Variants in METTL15 observed in about 807,000 individuals in gnomAD.
METTL15 encodes the protein methyltransferase 15, mitochondrial 12S rRNA N4-cytidine.
In METTL15, 34 loss-of-function variants were observed where a neutral mutation model predicts 38.3. The ratio of observed to expected loss-of-function variants is 0.89; its 90% CI spans 0.68 to 1.18. METTL15 has a LOEUF of 1.18. Ranked by LOEUF, METTL15 falls within the 50% of genes most tolerant of loss-of-function variation. The pLI is 0.00. For synonymous variants in METTL15, 162 were observed against 170.9 expected (o/e 0.95, Z 0.41); for missense variants, 438 against 498.4 (o/e 0.88, Z 1.15).
chr11:28,521,106 A>G (rs1851761470), intron 6 of METTL15, among the ~76,000 whole-genome samples: 3 of 152,154 alleles, frequency 2.0e-5, no homozygotes, highest in Non-Finnish European at 4.4e-5. Context: ...TAAAAAATCC[A>G]TAATTGTATT....
intron 3 of METTL15, among the ~76,000 whole-genome samples, chr11:28,184,576 G>C (rs1590123451): frequency 6.6e-6 from 1 of 151,764 alleles, no homozygotes; most frequent in Non-Finnish European, 1.5e-5. Context: ...AGTTTTGAGT[G>C]AGTTTCTTAT....
chr11:28,350,308 G>A (rs1007939162), intron 3 of METTL15, among the ~76,000 whole-genome samples: 1 of 152,110 alleles, frequency 6.6e-6, no homozygotes, highest in African/African-American at 2.4e-5. Context: ...AATTTTAGAT[G>A]TATTTGAAGG....
At chr11:28,413,856 C>T (rs1404187026) in intron 5 of METTL15, among the ~76,000 whole-genome samples, 1 of 152,102 alleles carries the variant, frequency 6.6e-6, no homozygotes, top group Non-Finnish European at 1.5e-5. Context: ...TATTCTTTTC[C>T]GTGGTCCCTC....
chr11:28,253,067 C>T (rs1854813749), intron 4 of METTL15, among the ~76,000 whole-genome samples: 1 of 152,098 alleles, frequency 6.6e-6, no homozygotes, highest in Non-Finnish European at 1.5e-5. Context: ...TACACTTTTG[C>T]AAAATATGAT....
chr11:28,430,226 G>C (rs1215197227), intron 6 of METTL15, among the ~76,000 whole-genome samples: 1 of 143,522 alleles, frequency 7.0e-6, no homozygotes. Flanking sequence ...GGAGGGAGGT[G>C]GGGGGGGTCA....
Position 28,439,600 on chromosome 11 carries a change from A to G in METTL15, c.*424+15236A>G, listed in dbSNP as rs1447961979. Among the ~76,000 whole-genome samples the G allele has an allele frequency of 2.6e-5, 4 of 152,176 alleles. No individual in the cohort carries two copies. In the East Asian group the frequency reaches 5.8e-4, roughly 22 times the overall value. On this transcript the variant is annotated intron_variant and NMD_transcript_variant, in intron 6 of 7. Coordinates refer to the METTL15 transcript ENST00000532947. ...CTCATTATCCCTGTGGGTGGGCCCA[A>G]TGCGGGGTGGAGGAGAAAAGGTACT...
At chr11:28,257,497 A>G (rs564965586) in intron 4 of METTL15, among the ~76,000 whole-genome samples, 12 of 152,308 alleles carry the variant, frequency 7.9e-5, no homozygotes, top group Non-Finnish European at 1.3e-4. Context: ...CTGTCTCTCT[A>G]GACCTTCTCT....
At chr11:28,154,745 C>G (rs549804680) in intron 3 of METTL15, among the ~76,000 whole-genome samples, 3 of 152,130 alleles carry the variant, frequency 2.0e-5, no homozygotes, top group African/African-American at 7.2e-5. Context: ...TGCAAAATGT[C>G]AATTATAATG....
intron 6 of METTL15, chr11:28,477,557 ACT>A (rs1385102513): frequency 6.6e-6 from 1 of 151,970 alleles, no homozygotes; most frequent in Non-Finnish European, 1.5e-5. Context: ...CCTGAATGGA[ACT>A]CTGTCTCACA....
intron 5 of METTL15, among the ~76,000 whole-genome samples, chr11:28,395,742 T>A (rs1850561045): frequency 6.6e-6 from 1 of 152,102 alleles, no homozygotes; most frequent in Non-Finnish European, 1.5e-5. Flanking sequence ...CGTAACTCAT[T>A]TTATGAGGCC....
Position 28,123,500 on chromosome 11 carries a change from A to G in METTL15, c.270+9896A>G, listed in dbSNP as rs1353669114. Among the ~76,000 whole-genome samples, 13 of 152,222 alleles carry G rather than the reference A, an allele frequency of 8.5e-5. 1 individual carries two copies. The South Asian group carries it at 2.5e-3, about 29-fold the overall frequency. ...AGGCCTTATGGTGACTCATCTTATA[A>G]TGTTCTGTAAACTCTCTTTTTTCCT... On this transcript the variant is annotated intron_variant, in intron 3 of 6. Coordinates refer to ENST00000407364, the MANE Select transcript of METTL15 (RefSeq NM_001113528.2).
chr11:28,182,791 A>G (rs1851341673), intron 3 of METTL15, among the ~76,000 whole-genome samples: 1 of 152,114 alleles, frequency 6.6e-6, no homozygotes, highest in Non-Finnish European at 1.5e-5. Flanking sequence ...AATTCCGTGA[A>G]GAAAGTCAGT....
rs575257085 is a variant in METTL15 at position 28,398,157 on chromosome 11, C to T, written c.*359-26142C>T. Among the ~76,000 whole-genome samples the T allele has an allele frequency of 6.6e-5, 10 of 151,992 alleles. No individual in the cohort carries two copies. The South Asian group carries it at 2.1e-3, about 32-fold the overall frequency. ...AATTGTGCATCACACCAACATGGCACATGTGTACATATGTAACAAACCTGC... is the reference window on the plus strand; with the variant it reads ...AATTGTGCATCACACCAACATGGCATATGTGTACATATGTAACAAACCTGC... On this transcript the variant is annotated intron_variant and NMD_transcript_variant, in intron 5 of 7. Coordinates refer to the METTL15 transcript ENST00000532947.
intron 6 of METTL15, among the ~76,000 whole-genome samples, chr11:28,314,546 C>A (rs1039951575): frequency 5.3e-5 from 8 of 152,292 alleles, no homozygotes; most frequent in African/African-American, 1.9e-4. Context: ...GCTTAGACTT[C>A]TGTATGTGGC....
intron 4 of METTL15, among the ~76,000 whole-genome samples, chr11:28,255,695 T>G (rs900019059): frequency 1.3e-4 from 20 of 152,194 alleles, no homozygotes; most frequent in African/African-American, 4.3e-4. Context: ...TCAGCATCGA[T>G]TGAAATCATC....
intron 3 of METTL15, among the ~76,000 whole-genome samples, chr11:28,158,966 C>G (rs543667411): frequency 1.3e-5 from 2 of 152,042 alleles, no homozygotes; most frequent in African/African-American, 4.8e-5. Context: ...CCGGGATTCA[C>G]GGGTCCAGGA....
intron 4 of METTL15, among the ~76,000 whole-genome samples, chr11:28,286,860 A>G (rs1217254766): frequency 6.6e-6 from 1 of 151,884 alleles, no homozygotes; most frequent in Non-Finnish European, 1.5e-5. Context: ...CCAGAGAAAC[A>G]GAACCAGTAG....
chr11:28,165,143 A>G (rs773436010), intron 3 of METTL15, among the ~76,000 whole-genome samples: 19 of 152,266 alleles, frequency 1.2e-4, no homozygotes, highest in South Asian at 2.1e-4. Context: ...TAAAGCTGCA[A>G]TGAACATGGG....
At chr11:28,370,658 T>TG (rs1850234208) in intron 5 of METTL15, among the ~76,000 whole-genome samples, 1 of 152,042 alleles carries the variant, frequency 6.6e-6, no homozygotes, top group African/African-American at 2.4e-5. Context: ...CTGTGTTAAT[T>TG]TACATACTCA....
Sources: allele counts gnomAD v4.1 joint callset (sites outside exome capture counted in the v4.1 genomes callset), GRCh38; gene constraint gnomAD v4.1.1; transcripts MANE v1.5; gene names NCBI Gene and HGNC (gene_info 2026-07-23, HGNC 2026-07-21).